The following BTD variants were observed in gnomAD, a reference collection of about 807,000 sequenced individuals.
BTD encodes biotinidase, also known as biocytinase.
BTD carries 13 observed loss-of-function variants against 17.7 expected under a neutral mutation model. The observed-to-expected ratio is 0.74, with a 90% CI of 0.48 to 1.17. The LOEUF (loss-of-function observed/expected upper bound fraction) is 1.17. Ranked by LOEUF, BTD falls within the 50% of genes most tolerant of loss-of-function variation. The pLI is 0.00. For synonymous variants in BTD, 240 were observed against 245.2 expected (o/e 0.98, Z 0.20); for missense variants, 674 against 650.4 (o/e 1.04, Z -0.39).
rs1361629172 is a variant in BTD at position 15,635,722 on chromosome 3, A to C, written c.249+34A>C. 2 of 1,613,574 alleles carry C rather than the reference A, an allele frequency of 1.2e-6. No homozygotes were observed. The highest frequency in any genetic ancestry group is 1.7e-6 in the Non-Finnish European group (2 of 1,179,848). On this transcript the variant is annotated intron_variant, in intron 2 of 3. Transcript: ENST00000643237. This position sits in a 1 kb window ranked among gnomAD's most constrained non-coding sequence, Gnocchi z 4.1. Reference sequence around the variant, plus strand: ...GCTCCTCGGAACCTGAGTTTCTCTCATACAGAGCAGATTGCTCTTTACCCC... The same window carrying C: ...GCTCCTCGGAACCTGAGTTTCTCTCCTACAGAGCAGATTGCTCTTTACCCC...
chr3:15,713,661 G>A, downstream of BTD: 13 of 1,507,412 alleles, frequency 8.6e-6, no homozygotes, highest in Non-Finnish European at 1.2e-5. Context: ...AGGACTTACT[G>A]TCAGACACTG....
At chr3:15,631,781 G>A (rs894864767) in intron 1 of BTD, among the ~76,000 whole-genome samples, 2 of 152,192 alleles carry the variant, frequency 1.3e-5, no homozygotes, top group African/African-American at 2.4e-5. Context: ...TTATTGTAAG[G>A]ACTTTGACTT....
intron 3 of BTD, among the ~76,000 whole-genome samples, chr3:15,671,195 G>A (rs2066299197): frequency 6.6e-6 from 1 of 152,130 alleles, no homozygotes; most frequent in South Asian, 2.1e-4. Context: ...TATTTCCTTT[G>A]TAAATATTCC....
chr3:15,621,131 G>C (rs1574991906), intron 1 of BTD, among the ~76,000 whole-genome samples: 2 of 152,204 alleles, frequency 1.3e-5, no homozygotes, highest in East Asian at 3.8e-4. Flanking sequence ...ATTAGATGGT[G>C]CCTGCCCACA....
At chr3:15,609,166 C>A (rs1017964779) in intron 1 of BTD, among the ~76,000 whole-genome samples, 10 of 151,690 alleles carry the variant, frequency 6.6e-5, no homozygotes, top group African/African-American at 1.2e-4. Context: ...CTTTTCACTT[C>A]AAAAAAAATA....
chr3:15,637,888 T>C (rs150721910), intron 2 of BTD, among the ~76,000 whole-genome samples: 319 of 152,348 alleles, frequency 2.1e-3, no homozygotes, highest in African/African-American at 7.3e-3. Context: ...CACGGTTTTG[T>C]TGAAACCACG....
intron 1 of BTD, among the ~76,000 whole-genome samples, chr3:15,610,399 TG>T (rs1382329672): frequency 6.6e-6 from 1 of 152,236 alleles, no homozygotes. Flanking sequence ...GTTATGTGGC[TG>T]GGCTCAGACT....
chr3:15,624,731 G>A (rs1440511115), intron 1 of BTD, among the ~76,000 whole-genome samples: 1 of 151,964 alleles, frequency 6.6e-6, no homozygotes, highest in Non-Finnish European at 1.5e-5. Context: ...GTTCTTCTGG[G>A]AGGTTTTTTG....
Position 15,652,724 on chromosome 3 carries a change from C to T in BTD, c.*7236C>T, listed in dbSNP as rs2125531619. ...TTGCTACCAGCACCTTAATCTCCCACATCCAAGTTAAAATTCATCCAACAC... is the reference window on the plus strand; with the variant it reads ...TTGCTACCAGCACCTTAATCTCCCATATCCAAGTTAAAATTCATCCAACAC... On this transcript the variant is annotated 3_prime_UTR_variant, in exon 4 of 4. Coordinates refer to ENST00000643237, the MANE Select transcript of BTD (RefSeq NM_001370658.1). Among the ~76,000 whole-genome samples the T allele has an allele frequency of 1.3e-5, 2 of 152,342 alleles. No homozygotes were observed. The highest frequency in any genetic ancestry group is 1.3e-4 in the Admixed American group (2 of 15,308).
chr3:15,610,432 T>C (rs2064584348), intron 1 of BTD, among the ~76,000 whole-genome samples: 1 of 152,230 alleles, frequency 6.6e-6, no homozygotes. Context: ...GCATTCGAGT[T>C]ACATGATAAT....
chr3:15,668,555 A>G (rs2066098705), intron 3 of BTD: 1 of 152,518 alleles, frequency 6.6e-6, no homozygotes. Flanking sequence ...TGCCCTAGAA[A>G]CTTTATAGAT....
At position 15,705,089 on chromosome 3, in the gene BTD, C is replaced by A. The variant is rs146376751; in HGVS notation, c.400-4971C>A. 2.8e-3 allele frequency among the ~76,000 whole-genome samples: 428 copies of A among 152,204 alleles called. 2 individuals carry two copies. Among genetic ancestry groups the A allele is most frequent in the Middle Eastern group, 0.01 (3 of 294 alleles). On this transcript the variant is annotated intron_variant, in intron 3 of 3. Coordinates refer to the BTD transcript ENST00000672141. ...ACTCCAAGATTTAAATTGGGTCTTT[C>A]GGATCCCAAGTATCAAGCCTGATAC...
At chr3:15,642,765 A>G (rs937949289) in intron 3 of BTD, among the ~76,000 whole-genome samples, 1 of 152,042 alleles carries the variant, frequency 6.6e-6, no homozygotes, top group African/African-American at 2.4e-5. Flanking sequence ...CCTGGCCTTG[A>G]CATCCTCTTT....
intron 3 of BTD, among the ~76,000 whole-genome samples, chr3:15,673,101 C>T (rs2066551218): frequency 6.6e-6 from 1 of 152,214 alleles, no homozygotes; most frequent in African/African-American, 2.4e-5. Context: ...ACATGCCACT[C>T]TCTTTGCTTA....
intron 3 of BTD, chr3:15,709,682 CT>C: frequency 6.3e-7 from 1 of 1,581,960 alleles, no homozygotes. Context: ...CAAATTTGTC[CT>C]TTTTATTAAA....
rs1395499802 is a variant in BTD, at chr3:15,674,756, T to C, written c.399+32699T>C. On this transcript the variant is annotated intron_variant, in intron 3 of 3. Coordinates refer to the BTD transcript ENST00000672141. The stretch of plus-strand genomic sequence containing the variant: ...AAAGAAATTAAGAAGGAATAACTAG[T>C]AATGTAGAAGGAAAACCAAGGAAGA... Among the ~76,000 whole-genome samples, 3 of 151,910 alleles carry C rather than the reference T, an allele frequency of 2.0e-5. No individual in the cohort carries two copies. The East Asian group carries it at 5.8e-4, about 29-fold the overall frequency.
At chr3:15,627,618 A>C (rs1436636922) in intron 1 of BTD, among the ~76,000 whole-genome samples, 1 of 152,144 alleles carries the variant, frequency 6.6e-6, no homozygotes, top group African/African-American at 2.4e-5. Flanking sequence ...TATTTCCAGC[A>C]CTGTGGTTTA....
intron 4 of BTD, among the ~76,000 whole-genome samples, chr3:15,718,392 T>A (rs2073320472): frequency 6.6e-6 from 1 of 152,214 alleles, no homozygotes; most frequent in Non-Finnish European, 1.5e-5. Context: ...ACTTGTCATA[T>A]ATGAAATTCA....
At chr3:15,620,287 AAGAC>A (rs1559583423) in intron 1 of BTD, among the ~76,000 whole-genome samples, 2 of 152,200 alleles carry the variant, frequency 1.3e-5, no homozygotes, top group African/African-American at 4.8e-5. Context: ...TCAACTGCAC[AAGAC>A]AGACATTCCC....
Sources: allele counts gnomAD v4.1 joint callset (sites outside exome capture counted in the v4.1 genomes callset), GRCh38; gene constraint gnomAD v4.1.1; non-coding constraint Gnocchi (gnomAD v3.1); transcripts MANE v1.5; gene names NCBI Gene and HGNC (gene_info 2026-07-23, HGNC 2026-07-21).